SHROOM2: variants seen among roughly 807,000 people sequenced by gnomAD.
The protein encoded by SHROOM2 is protein Shroom2.
SHROOM2 carries 33 observed loss-of-function variants against 75.9 expected under a neutral mutation model. The ratio of observed to expected loss-of-function variants is 0.43; its 90% CI spans 0.33 to 0.58. SHROOM2 has a LOEUF of 0.58. Ranked by LOEUF, SHROOM2 falls within the 20% of genes least tolerant of loss-of-function variation. The pLI, the probability that SHROOM2 is intolerant of heterozygous loss-of-function variation, is 0.04. For missense variants in SHROOM2, 1,434 were observed against 1,461.2 expected, an observed-to-expected ratio of 0.98 and a Z score of 0.30; for synonymous variants, 655 against 663.6, an observed-to-expected ratio of 0.99 and a Z score of 0.20.
chrX:9,827,571 G>A (rs1321744980), intron 1 of SHROOM2, among the ~76,000 whole-genome samples: 1 of 109,915 alleles, frequency 9.1e-6, no homozygotes, highest in Non-Finnish European at 1.9e-5. Context: ...TCAACCTTTG[G>A]TCAGGCTCTG....
In SHROOM2 at chrX:9,895,510, G is replaced by T; in HGVS notation, c.1602G>T (p.Arg534=). 1 of 1,203,177 alleles carries T rather than the reference G, an allele frequency of 8.3e-7. No individual in the cohort carries two copies. The highest frequency in any genetic ancestry group is 3.0e-5 in the East Asian group (1 of 33,271). Residue 534 remains arginine (R), a synonymous_variant, in exon 4 of 10, where the codon CGG becomes CGT. Coordinates refer to ENST00000380913, the MANE Select transcript of SHROOM2 (RefSeq NM_001649.4). ...CTCCGGATGCCCGCGAGACAGGACGGTGTTACCCGCTGGACAAAGGGGCCG... is the reference window on the plus strand; with the variant it reads ...CTCCGGATGCCCGCGAGACAGGACGTTGTTACCCGCTGGACAAAGGGGCCG... ...EGPPDARETG[R]CYPLDKGAEG... is the part of the protein sequence containing the mutation.
intron 9 of SHROOM2, 81 bp downstream of exon 9, chrX:9,944,994 C>T: frequency 9.6e-7 from 1 of 1,037,936 alleles, no homozygotes; most frequent in Admixed American, 2.8e-5. Context: ...AAAGTCAGCT[C>T]CTTGGAGCCT....
rs200928818 is a variant in SHROOM2, at chrX:9,810,225, G to GT, written c.165+23524dup. ...CAGCAAGCACCTTAGCTGGTTGTGT[G>GT]TTTTTTTTTGCCTGGTGGAGTGACC... On this transcript the variant is annotated intron_variant, in intron 1 of 9. Transcript: ENST00000380913. Among the ~76,000 whole-genome samples the GT allele has an allele frequency of 6.8e-3, 735 of 108,391 alleles. 7 individuals are homozygous for GT. The highest frequency in any genetic ancestry group is 0.023 in the African/African-American group (673 of 29,836). 94.1% of individuals were successfully genotyped at this position (108,391 alleles called of 115,157 possible). A position where few individuals can be genotyped will look rare whatever the true frequency, so the allele number is the denominator to read the frequency against.
chrX:9,910,041 T>C (rs1388423688), intron 5 of SHROOM2, among the ~76,000 whole-genome samples: 1 of 109,931 alleles, frequency 9.1e-6, no homozygotes, highest in Non-Finnish European at 1.9e-5. Flanking sequence ...CCTCATCACC[T>C]CCCAGAGGCC....
Position 9,932,664 on chromosome X carries a change from G to A in SHROOM2, c.3381G>A (p.Pro1127=), listed in dbSNP as rs765199850. The A allele has an allele frequency of 2.7e-5, 33 of 1,209,705 alleles. 1 individual carries two copies. Among genetic ancestry groups the A allele is most frequent in the South Asian group, 1.8e-4 (10 of 56,758 alleles). The part of the protein sequence containing the change: ...VFSSAQPQDT[P]KATVCERGSQ... ...GCAGTGCCCAGCCCCAGGACACCCCGAAGGCCACTGTCTGTGAGCGTGGAA... is the reference window on the plus strand; with the variant it reads ...GCAGTGCCCAGCCCCAGGACACCCCAAAGGCCACTGTCTGTGAGCGTGGAA... Residue 1127 remains proline (P), a synonymous_variant, in exon 6 of 10, where the codon CCG becomes CCA. Transcript: ENST00000380913.
intron 2 of SHROOM2, among the ~76,000 whole-genome samples, chrX:9,882,174 G>C (rs1255745350): frequency 5.7e-5 from 3 of 52,487 alleles, no homozygotes; most frequent in African/African-American, 2.5e-4. Flanking sequence ...GCAATCCCTT[G>C]TTGCTTTTTT....
At chrX:9,792,586 A>G (rs1032836047) in intron 1 of SHROOM2, among the ~76,000 whole-genome samples, 3 of 109,698 alleles carry the variant, frequency 2.7e-5, no homozygotes, top group Non-Finnish European at 3.8e-5. Context: ...GGCTGGGATT[A>G]TCTTTCTTTT....
At chrX:9,892,833 A>G (rs1460178895) in intron 3 of SHROOM2, among the ~76,000 whole-genome samples, 1 of 112,415 alleles carries the variant, frequency 8.9e-6, no homozygotes, top group Non-Finnish European at 1.9e-5. Flanking sequence ...GTGGAGCCAC[A>G]GCTTCTTCCT....
intron 1 of SHROOM2, among the ~76,000 whole-genome samples, chrX:9,844,788 C>A (rs1311097830): frequency 1.8e-5 from 2 of 110,981 alleles, no homozygotes; most frequent in African/African-American, 6.6e-5. Flanking sequence ...GCACTCCAGC[C>A]TGGGCAACAA....
chrX:9,894,300 C>T (rs1168630514), intron 3 of SHROOM2, 58 bp from the exon 4 acceptor site: 2 of 1,115,117 alleles, frequency 1.8e-6, no homozygotes, highest in African/African-American at 3.7e-5. Flanking sequence ...CCGCCTTGCC[C>T]TTTGCCATTG....
chrX:9,936,046 C>G (rs765806889), intron 6 of SHROOM2, among the ~76,000 whole-genome samples: 9 of 111,174 alleles, frequency 8.1e-5, no homozygotes, highest in Non-Finnish European at 1.5e-4. Context: ...GTTCTCTCTC[C>G]CCCAGTCTCC....
At chrX:9,926,166 C>G (rs749471264) in intron 5 of SHROOM2, among the ~76,000 whole-genome samples, 5 of 111,884 alleles carry the variant, frequency 4.5e-5, no homozygotes, top group Non-Finnish European at 9.4e-5. Context: ...GGCCTGTGAT[C>G]AGCTTGTACA....
chrX:9,942,646 G>A (rs138480106), intron 8 of SHROOM2, among the ~76,000 whole-genome samples: 20 of 106,073 alleles, frequency 1.9e-4, no homozygotes, highest in African/African-American at 6.2e-4. Flanking sequence ...GGAAAGGGGT[G>A]CGGAAGAGCT....
At chrX:9,885,025 C>T (rs769497668) in intron 2 of SHROOM2, among the ~76,000 whole-genome samples, 5 of 111,359 alleles carry the variant, frequency 4.5e-5, no homozygotes, top group Non-Finnish European at 9.4e-5. Flanking sequence ...GCCTGGGTGA[C>T]ATGATGAGAC....
intron 5 of SHROOM2, among the ~76,000 whole-genome samples, chrX:9,906,868 A>G (rs1311656619): frequency 8.9e-6 from 1 of 112,848 alleles, no homozygotes; most frequent in Non-Finnish European, 1.9e-5. Context: ...AAGTTTGCGG[A>G]AGATGAGATG....
chrX:9,946,908 G>A lies in SHROOM2; in HGVS notation c.4822G>A (p.Asp1608Asn), dbSNP rs1685307828. Residue 1608 changes from aspartate to asparagine, a missense_variant, in exon 10 of 10, where the codon GAC becomes AAC. By Grantham distance (23) the Asp-to-Asn change is conservative (BLOSUM62 1). This residue lies in a region of SHROOM2 where 80 missense variants were observed against 88.4 expected (regional missense o/e 0.90). Transcript: ENST00000380913. Reference sequence around the variant, plus strand: ...TGAAGAGCAGCTGAAGTGCTTATTGGACAGCCTTCAGCCCGAAAGGGGCAA... The same window carrying A: ...TGAAGAGCAGCTGAAGTGCTTATTGAACAGCCTTCAGCCCGAAAGGGGCAA... ...LGEEQLKCLL[D>N]SLQPERGK 2 of 1,197,522 alleles carry A rather than the reference G, an allele frequency of 1.7e-6. No homozygotes were observed. Among genetic ancestry groups the A allele is most frequent in the Non-Finnish European group, 1.1e-6 (1 of 888,048 alleles).
At position 9,947,756 on chromosome X, in the gene SHROOM2, A is replaced by G. The variant is rs1485445028; in HGVS notation, c.*819A>G. 1 of 112,529 alleles carries G rather than the reference A, an allele frequency of 8.9e-6. No individual in the cohort carries two copies. The highest frequency in any genetic ancestry group is 1.9e-5 in the Non-Finnish European group (1 of 53,344). The allele number at this position is 112,529 out of a possible 1,213,427, so 9.3% of individuals were successfully genotyped here. A position where few individuals can be genotyped will look rare whatever the true frequency, so the allele number is the denominator to read the frequency against. On this transcript the variant is annotated 3_prime_UTR_variant, in exon 10 of 10. Coordinates refer to ENST00000380913, the MANE Select transcript of SHROOM2 (RefSeq NM_001649.4). ...GTTAGCTGTTTCTCAAGACCAACAG[A>G]AGATTTTTTCAGTTACTTTCCCCCC...
Position 9,891,007 on chromosome X carries a change from C to T in SHROOM2, c.348C>T (p.Ser116=). The T allele has an allele frequency of 8.3e-7, 1 of 1,206,222 alleles. No homozygotes were observed. The highest frequency in any genetic ancestry group is 1.1e-6 in the Non-Finnish European group (1 of 892,894). ...GCGAGCTGGGCTGGAGGCCTCACTCCTGGCATGCCACCAAGTTCTCTGACA... is the reference window on the plus strand; with the variant it reads ...GCGAGCTGGGCTGGAGGCCTCACTCTTGGCATGCCACCAAGTTCTCTGACA... ...RRSELGWRPH[S]WHATKFSDSH... Residue 116 remains serine (S), a synonymous_variant, in exon 3 of 10, where the codon TCC becomes TCT. Coordinates refer to ENST00000380913, the MANE Select transcript of SHROOM2 (RefSeq NM_001649.4).
chrX:9,822,804 G>T (rs1328622209), intron 1 of SHROOM2, among the ~76,000 whole-genome samples: 1 of 111,319 alleles, frequency 9.0e-6, no homozygotes, highest in Non-Finnish European at 1.9e-5. Context: ...TTAGTGCCAG[G>T]AGGAGGAGGA....
Sources: allele counts gnomAD v4.1 joint callset (sites outside exome capture counted in the v4.1 genomes callset), GRCh38; gene constraint gnomAD v4.1.1; regional missense constraint gnomAD v4.1.1; transcripts MANE v1.5; gene names NCBI Gene and HGNC (gene_info 2026-07-23, HGNC 2026-07-21).